The following PCGF3 variants were observed in gnomAD, a reference collection of about 807,000 sequenced individuals.
PCGF3 encodes the protein polycomb group ring finger 3, also known as polycomb group RING finger protein 3.
A neutral mutation model predicts 33.1 loss-of-function variants in PCGF3; 7 were observed. That is an observed-to-expected ratio of 0.21 (90% CI 0.12 to 0.40). The LOEUF (loss-of-function observed/expected upper bound fraction) is 0.40, where lower values mean the gene tolerates loss of function less well. PCGF3 is among the 10% of genes least tolerant of loss of function. The pLI, the probability that PCGF3 is intolerant of heterozygous loss-of-function variation, is 1.00. For missense variants in PCGF3, 211 were observed against 313.3 expected (o/e 0.67, Z 2.46); for synonymous variants, 153 against 121.3 (o/e 1.26, Z -1.72).
chr4:706,211 G>C (rs1742290402), intron 1 of PCGF3, among the ~76,000 whole-genome samples: 1 of 151,950 alleles, frequency 6.6e-6, no homozygotes, highest in African/African-American at 2.4e-5. Context: ...GCCCAGCCCA[G>C]GCAGGACCCC....
At chr4:725,235 T>G (rs570966059) in intron 1 of PCGF3, 71 of 152,760 alleles carry the variant, frequency 4.6e-4, no homozygotes, top group Non-Finnish European at 9.2e-4. Flanking sequence ...GTGAGGTGCG[T>G]ATTGCGGACC....
chr4:754,671 T>C (rs1164828812), intron 8 of PCGF3, among the ~76,000 whole-genome samples: 30 of 152,270 alleles, frequency 2.0e-4, no homozygotes, highest in Admixed American at 2.0e-3. Context: ...GGCGAGAACT[T>C]GCTGTTCACC....
At chr4:707,490 A>T (rs1742360804) in intron 1 of PCGF3, among the ~76,000 whole-genome samples, 1 of 141,306 alleles carries the variant, frequency 7.1e-6, no homozygotes, top group Admixed American at 7.0e-5. Context: ...GGGGGCCGGG[A>T]CCCTGGGACA....
exon 11 of PCGF3, chr4:766,348 C>T: frequency 2.6e-6 from 1 of 380,066 alleles, no homozygotes; most frequent in South Asian, 4.3e-5. Context: ...GAGTGATGCT[C>T]CAGGCAACAC....
chr4:743,240 A>G (rs982288190), intron 6 of PCGF3, among the ~76,000 whole-genome samples: 2 of 152,212 alleles, frequency 1.3e-5, no homozygotes, highest in African/African-American at 4.8e-5. Flanking sequence ...GGCCTGGAGC[A>G]GCCGGTCTGC....
intron 9 of PCGF3, 50 bp from the exon 10 acceptor site, chr4:764,934 G>A (rs1457634377): frequency 1.2e-5 from 16 of 1,294,808 alleles, no homozygotes; most frequent in Non-Finnish European, 1.8e-5. Context: ...GGCCATGTCA[G>A]TGTGGGTTGA....
At chr4:738,662 A>G (rs961105835) in intron 6 of PCGF3, among the ~76,000 whole-genome samples, 9 of 149,734 alleles carry the variant, frequency 6.0e-5, no homozygotes, top group African/African-American at 2.2e-4. Flanking sequence ...AGCCAGACCA[A>G]CATAGTGAAA....
chr4:737,693 C>A (rs1024255293), intron 6 of PCGF3, among the ~76,000 whole-genome samples, 172 bp downstream of exon 6: 3 of 152,198 alleles, frequency 2.0e-5, no homozygotes, highest in Admixed American at 6.5e-5. Context: ...TCTCTTCTTT[C>A]GTCTAAGATG....
At chr4:763,810 C>A (rs62294074) in intron 9 of PCGF3, among the ~76,000 whole-genome samples, 11,155 of 152,294 alleles carry the variant, frequency 0.073, 487 homozygotes, top group South Asian at 0.14. Context: ...GACCAAGATG[C>A]CCTTCAGTAG....
Position 707,773 on chromosome 4 carries a change from C to T in PCGF3, c.-190+1803C>T, listed in dbSNP as rs1181561874. 7.3e-5 allele frequency among the ~76,000 whole-genome samples: 9 copies of T among 123,278 alleles called. 1 individual carries two copies. Among genetic ancestry groups the T allele is most frequent in the African/African-American group, 1.9e-4 (6 of 31,136 alleles). 80.9% of individuals were successfully genotyped at this position (123,278 alleles called of 152,430 possible). ...GACAGCTCTGTTTTCACCTGGGGGC[C>T]GGGACCCTGGGACAGCTCTGTTTTC... On this transcript the variant is annotated intron_variant, in intron 1 of 10. Transcript: ENST00000362003.
chr4:735,816 T>G (rs1743799573), intron 5 of PCGF3, among the ~76,000 whole-genome samples: 1 of 152,188 alleles, frequency 6.6e-6, no homozygotes, highest in Non-Finnish European at 1.5e-5. Flanking sequence ...CAGCCACCAT[T>G]TCTGGAGAAG....
chr4:754,731 G>A lies in PCGF3; in HGVS notation c.463-6548G>A, dbSNP rs552391967. 4.6e-5 allele frequency among the ~76,000 whole-genome samples: 7 copies of A among 152,168 alleles called. No homozygotes were observed. In the East Asian group the frequency reaches 1.4e-3, roughly 29 times the overall value. ...GGATGTGAGATCGGGGTGTGCTGTG[G>A]GATGCAGCCTGGCGTGGCTTTATCC... On this transcript the variant is annotated intron_variant, in intron 8 of 10. Transcript: ENST00000362003.
chr4:752,168 G>A (rs1310846839), intron 8 of PCGF3, among the ~76,000 whole-genome samples: 2 of 152,234 alleles, frequency 1.3e-5, no homozygotes, highest in Non-Finnish European at 2.9e-5. Context: ...TTGGGAGTTT[G>A]GAAACTGGCG....
At chr4:768,763 C>T (rs1258692096) in exon 11 of PCGF3, 1 of 152,542 alleles carries the variant, frequency 6.6e-6, no homozygotes, top group African/African-American at 2.4e-5. Flanking sequence ...TGTTTGGTTT[C>T]AGTGGTCCAG....
chr4:721,205 G>A lies in PCGF3; in HGVS notation c.-189-9425G>A, dbSNP rs139848661. Among the ~76,000 whole-genome samples, 5 of 152,248 alleles carry A rather than the reference G, an allele frequency of 3.3e-5. No homozygotes were observed. The highest frequency in any genetic ancestry group is 1.2e-4 in the African/African-American group (5 of 41,536). On this transcript the variant is annotated intron_variant, in intron 1 of 10. Coordinates refer to ENST00000362003, the Ensembl canonical transcript of PCGF3. The surrounding 1 kb of genome is among the most constrained non-coding windows in gnomAD (Gnocchi z 4.1). Reference sequence around the variant, plus strand: ...AACAGTGCGGGCCCTGATTCTCATGGTTCCCCAGTGAGGCTGTTCCACGGT... The same window carrying A: ...AACAGTGCGGGCCCTGATTCTCATGATTCCCCAGTGAGGCTGTTCCACGGT...
exon 4 of PCGF3, chr4:733,719 C>T (rs779347986): frequency 6.2e-7 from 1 of 1,611,296 alleles, no homozygotes; most frequent in Non-Finnish European, 8.5e-7. Context: ...ACATCAACGC[C>T]CACATCACCT....
chr4:715,722 T>G (rs1355353178), intron 1 of PCGF3, among the ~76,000 whole-genome samples: 15 of 67,246 alleles, frequency 2.2e-4, no homozygotes, highest in East Asian at 5.2e-4. Context: ...AGACACTGAG[T>G]GTGAGAACTG....
Position 766,203 on chromosome 4 carries a change from C to G in PCGF3, c.*124C>G, listed in dbSNP as rs999946961. On this transcript the variant is annotated 3_prime_UTR_variant, in exon 11 of 11. Transcript: ENST00000362003. ...ACTTCTGAATAGAGAATATTTATAA[C>G]TTTTGTATGAGAGAGAATTCACACT... 4 of 723,460 alleles carry G rather than the reference C, an allele frequency of 5.5e-6. No individual in the cohort carries two copies. The East Asian group carries it at 1.1e-4, about 20-fold the overall frequency. The allele number at this position is 723,460 out of a possible 1,614,324, so 44.8% of individuals were successfully genotyped here.
At chr4:749,399 G>T (rs902922951) in intron 8 of PCGF3, among the ~76,000 whole-genome samples, 38 of 150,256 alleles carry the variant, frequency 2.5e-4, no homozygotes, top group Admixed American at 4.0e-4. Context: ...CTTGACCTCG[G>T]GTGATCCACC....
Sources: allele counts gnomAD v4.1 joint callset (sites outside exome capture counted in the v4.1 genomes callset), GRCh38; gene constraint gnomAD v4.1.1; non-coding constraint Gnocchi (gnomAD v3.1); transcripts MANE v1.5; gene names NCBI Gene and HGNC (gene_info 2026-07-23, HGNC 2026-07-21).